Variants in MIGA2 observed in about 807,000 individuals in gnomAD.
MIGA2 encodes the protein mitoguardin 2, also known as family with sequence similarity 73, member B.
In MIGA2, 36 loss-of-function variants were observed where a neutral mutation model predicts 69.9. The observed-to-expected ratio is 0.52, with a 90% CI of 0.39 to 0.68. The LOEUF is 0.68. Among genes scored for constraint, MIGA2 ranks in the 30% least tolerant of loss-of-function variants. The pLI is 0.00. For synonymous variants in MIGA2, 333 were observed against 349.2 expected (o/e 0.95, Z 0.52); for missense variants, 660 against 787.7 (o/e 0.84, Z 1.94).
chr9:129,067,262 C>A (rs1240808354), intron 11 of MIGA2, among the ~76,000 whole-genome samples: 1 of 152,340 alleles, frequency 6.6e-6, no homozygotes, highest in Admixed American at 6.5e-5. Flanking sequence ...CCCAGCTAAC[C>A]CCCAGGGTCC....
intron 6 of MIGA2, among the ~76,000 whole-genome samples, chr9:129,050,584 T>TATTA (rs1845472765): frequency 6.6e-6 from 1 of 150,788 alleles, no homozygotes; most frequent in African/African-American, 2.4e-5. Context: ...TTTTTTTTTT[T>TATTA]TTTTTGAAAT....
At position 129,042,483 on chromosome 9, in the gene MIGA2, CTTGGCCAGGAAG is replaced by C. The variant is rs1371196363; in HGVS notation, c.277_288del (p.Leu93_Lys96del). 11 of 1,592,522 alleles carry C rather than the reference CTTGGCCAGGAAG, an allele frequency of 6.9e-6. No homozygotes were observed. The Admixed American group carries it at 7.1e-5, about 10-fold the overall frequency. On this transcript the variant is annotated inframe_deletion, in exon 3 of 16. Transcript: ENST00000684074. ...TGGGCACGGTGCCCCTCCCTATCCT[CTTGGCCAGGAAG>C]GTCCCTTCAGTGAAGAAAGGTAGGT...
Position 129,068,179 on chromosome 9 carries a change from C to T in MIGA2, c.1270-19C>T. The T allele has an allele frequency of 6.2e-7, 1 of 1,613,614 alleles. No individual in the cohort carries two copies. The highest frequency in any genetic ancestry group is 8.5e-7 in the Non-Finnish European group (1 of 1,179,996). ...GGCAGTGCCCCCATGCATGAGCCTC[C>T]CGGGGGCACCCTCTGTAGGTGGTAT... On this transcript the variant is annotated intron_variant, in intron 12 of 15. Coordinates refer to ENST00000684074, the MANE Select transcript of MIGA2 (RefSeq NM_001329990.2). This position sits in a 1 kb window ranked among gnomAD's most constrained non-coding sequence, Gnocchi z 4.1.
At chr9:129,050,054 C>G in intron 6 of MIGA2, 91 bp downstream of exon 6, 1 of 1,488,428 alleles carries the variant, frequency 6.7e-7, no homozygotes, top group Non-Finnish European at 9.1e-7. Context: ...AGGCAGTCTC[C>G]TGTCCTCTGA....
chr9:129,053,833 A>AT (rs1164580399), intron 6 of MIGA2, among the ~76,000 whole-genome samples: 4 of 149,288 alleles, frequency 2.7e-5, no homozygotes, highest in Non-Finnish European at 6.0e-5. Context: ...TCTCAAAAAA[A>AT]TTTTTTCTTG....
rs763044315 is a variant in MIGA2, at chr9:129,049,434, T to C, written c.474T>C (p.Asp158=). Residue 158 remains aspartate, a synonymous_variant, in exon 5 of 16, where the codon GAT becomes GAC. Coordinates refer to ENST00000684074, the MANE Select transcript of MIGA2 (RefSeq NM_001329990.2). ...CAGCCGCGTGCTCGGGACTATGGGATGCCAGAGGGATGGAGGAGTCTCTGA... is the reference window on the plus strand; with the variant it reads ...CAGCCGCGTGCTCGGGACTATGGGACGCCAGAGGGATGGAGGAGTCTCTGA... ...SPTAACSGLW[D]ARGMEESLTT... 6 of 1,613,596 alleles carry C rather than the reference T, an allele frequency of 3.7e-6. No individual in the cohort carries two copies. The highest frequency in any genetic ancestry group is 5.1e-6 in the Non-Finnish European group (6 of 1,179,836).
intron 1 of MIGA2, chr9:129,037,141 G>T: frequency 1.3e-6 from 1 of 788,832 alleles, no homozygotes. Context: ...GATGCCCGGT[G>T]CCCGGCATGG....
At position 129,061,292 on chromosome 9, in the gene MIGA2, A is replaced by G; in HGVS notation, c.956A>G (p.Tyr319Cys). 1 of 1,535,878 alleles carries G rather than the reference A, an allele frequency of 6.5e-7. No homozygotes were observed. Among genetic ancestry groups the G allele is most frequent in the Non-Finnish European group, 8.8e-7 (1 of 1,131,064 alleles). Residue 319 changes from tyrosine (Y) to cysteine (C), a missense_variant, in exon 9 of 16, where the codon TAT becomes TGT. Transcript: ENST00000684074. The surrounding 1 kb of genome is among the most constrained non-coding windows in gnomAD (Gnocchi z 5.0). ...PIPLSRPAAA[Y>C]EEALQLVKEG... The stretch of plus-strand genomic sequence containing the variant: ...CCACTCTCCAGACCCGCCGCTGCCT[A>G]TGAGGAGGCCCTGCAGCTGGTGAAG...
In MIGA2 at chr9:129,061,220, C is replaced by T. The variant is rs541164161; in HGVS notation, c.895-11C>T. ...GGCTTCCCTGGTCTCTTCCTCTGCA[C>T]CCTCTCCCAGCTCTTTGAGTCCCTG... On this transcript the variant is annotated splice_polypyrimidine_tract_variant and intron_variant, in intron 8 of 15. Coordinates refer to ENST00000684074, the MANE Select transcript of MIGA2 (RefSeq NM_001329990.2). The surrounding 1 kb of genome is among the most constrained non-coding windows in gnomAD (Gnocchi z 5.0). 1.4e-4 allele frequency: 223 copies of T among 1,605,284 alleles called. 2 individuals are homozygous for T. The South Asian group carries it at 2.1e-3, about 15-fold the overall frequency.
At chr9:129,042,615 T>C in intron 3 of MIGA2, 101 bp downstream of exon 3, 1 of 1,249,266 alleles carries the variant, frequency 8.0e-7, no homozygotes, top group Non-Finnish European at 1.1e-6. Context: ...GCCAGTGTCT[T>C]CCTGTCTCAG....
At chr9:129,048,404 GC>G (rs1387274481) in intron 3 of MIGA2, 22 bp from the exon 4 acceptor site, 22 of 1,599,612 alleles carry the variant, frequency 1.4e-5, no homozygotes, top group Non-Finnish European at 1.8e-5. Flanking sequence ...CCTGTGTGAC[GC>G]CTGCCCTTCT....
In MIGA2 at chr9:129,070,817, G is replaced by T. The variant is rs897838356; in HGVS notation, c.*364G>T. 5 of 262,244 alleles carry T rather than the reference G, an allele frequency of 1.9e-5. No homozygotes were observed. Among genetic ancestry groups the T allele is most frequent in the Non-Finnish European group, 3.7e-5 (5 of 136,060 alleles). 16.2% of individuals were successfully genotyped at this position (262,244 alleles called of 1,614,324 possible). A position where few individuals can be genotyped will look rare whatever the true frequency, so the allele number is the denominator to read the frequency against. Reference sequence around the variant, plus strand: ...GAAGGATGGGGCCTAGAGCCCTGTGGTGAAGGTCACAGTGTCCTGAGCTAG... The same window carrying T: ...GAAGGATGGGGCCTAGAGCCCTGTGTTGAAGGTCACAGTGTCCTGAGCTAG... On this transcript the variant is annotated 3_prime_UTR_variant, in exon 16 of 16. Coordinates refer to ENST00000684074, the MANE Select transcript of MIGA2 (RefSeq NM_001329990.2).
chr9:129,062,490 C>T (rs1346388302), intron 9 of MIGA2, among the ~76,000 whole-genome samples: 2 of 147,830 alleles, frequency 1.4e-5, no homozygotes, highest in East Asian at 4.0e-4. Context: ...GGAGATCGTG[C>T]CACTGCACTC....
At chr9:129,063,203 G>A (rs1314221369) in intron 9 of MIGA2, 41 bp from the exon 10 acceptor site, 1 of 1,610,994 alleles carries the variant, frequency 6.2e-7, no homozygotes, top group Admixed American at 1.7e-5. Context: ...GCATCGCTGG[G>A]CAGGGACCAG....
At chr9:129,052,447 T>C (rs927864290) in intron 6 of MIGA2, among the ~76,000 whole-genome samples, 12 of 150,394 alleles carry the variant, frequency 8.0e-5, no homozygotes, top group African/African-American at 2.9e-4. Flanking sequence ...ATTATTGCAA[T>C]ATCAGGAAAG....
Position 129,051,604 on chromosome 9 carries a change from A to AT in MIGA2, c.675+1650dup, listed in dbSNP as rs551222406. Reference sequence around the variant, plus strand: ...TTATTTATTTATTTATTATTTTATTATTTTTTTTTAAGACGGAGTCTTGCT... The same window carrying AT: ...TTATTTATTTATTTATTATTTTATTATTTTTTTTTTAAGACGGAGTCTTGCT... On this transcript the variant is annotated intron_variant, in intron 6 of 15. Coordinates refer to ENST00000684074, the MANE Select transcript of MIGA2 (RefSeq NM_001329990.2). Among the ~76,000 whole-genome samples, 145 of 140,180 alleles carry AT rather than the reference A, an allele frequency of 1.0e-3. 5 individuals are homozygous for AT. In the South Asian group the frequency reaches 0.025, roughly 25 times the overall value. 92.0% of individuals were successfully genotyped at this position (140,180 alleles called of 152,430 possible). A position where few individuals can be genotyped will look rare whatever the true frequency, so the allele number is the denominator to read the frequency against.
chr9:129,065,889 C>T (rs193190217), intron 11 of MIGA2, among the ~76,000 whole-genome samples: 61 of 152,264 alleles, frequency 4.0e-4, no homozygotes, highest in Admixed American at 3.9e-4. Flanking sequence ...GCCTCACTAC[C>T]CTGCCTCCTG....
At chr9:129,050,743 T>C (rs975201615) in intron 6 of MIGA2, among the ~76,000 whole-genome samples, 1 of 151,544 alleles carries the variant, frequency 6.6e-6, no homozygotes, top group African/African-American at 2.4e-5. Flanking sequence ...AGCTAATTTT[T>C]TGTGTTTTTA....
chr9:129,061,246 C>A lies in MIGA2; in HGVS notation c.910C>A (p.Gln304Lys), dbSNP rs751871282. The A allele has an allele frequency of 1.9e-6, 3 of 1,611,416 alleles. No homozygotes were observed. Among genetic ancestry groups the A allele is most frequent in the Non-Finnish European group, 2.5e-6 (3 of 1,179,316 alleles). The stretch of plus-strand genomic sequence containing the variant: ...CCTCTCCCAGCTCTTTGAGTCCCTG[C>A]AGACTGGAGATTACCCGATCCCACT... ...FSATELFESL[Q>K]TGDYPIPLSR... is the part of the protein sequence containing the mutation. Residue 304 changes from glutamine to lysine, a missense_variant, in exon 9 of 16, where the codon CAG becomes AAG. Coordinates refer to ENST00000684074, the MANE Select transcript of MIGA2 (RefSeq NM_001329990.2). This position sits in a 1 kb window ranked among gnomAD's most constrained non-coding sequence, Gnocchi z 5.0.
Sources: gnomAD v4.1 joint callset for allele counts (sites outside exome capture counted in the v4.1 genomes callset) on GRCh38, gnomAD v4.1.1 for gene constraint, Gnocchi (gnomAD v3.1) non-coding constraint, MANE v1.5 for transcripts, NCBI Gene and HGNC (gene_info 2026-07-23, HGNC 2026-07-21) for gene names.